DNAH7: variants seen among roughly 807,000 people sequenced by gnomAD.
DNAH7 encodes the protein dynein axonemal heavy chain 7.
DNAH7 carries 397 observed loss-of-function variants against 444.6 expected under a neutral mutation model. That is an observed-to-expected ratio of 0.89 (90% CI 0.82 to 0.97). DNAH7 has a LOEUF of 0.97. Ranked by LOEUF, DNAH7 falls within the 50% of genes least tolerant of loss-of-function variation. DNAH7 has a pLI of 0.00. For synonymous variants in DNAH7, 1,636 were observed against 1,624.4 expected (o/e 1.01, Z -0.17); for missense variants, 4,902 against 4,800.8 (o/e 1.02, Z -0.62).
intron 5 of DNAH7, among the ~76,000 whole-genome samples, chr2:196,028,582 T>C (rs1559349884): frequency 6.6e-6 from 1 of 152,224 alleles, no homozygotes; most frequent in Non-Finnish European, 1.5e-5. Context: ...TATAATACAA[T>C]AATGTTTGTA....
intron 24 of DNAH7, among the ~76,000 whole-genome samples, chr2:195,919,879 T>C (rs1164909998): frequency 6.6e-6 from 1 of 152,122 alleles, no homozygotes; most frequent in Non-Finnish European, 1.5e-5. Context: ...AGAAGAAATG[T>C]AAATGTAAGT....
intron 59 of DNAH7, 110 bp from the exon 60 acceptor site, chr2:195,776,093 T>C: frequency 7.5e-7 from 1 of 1,325,022 alleles, no homozygotes; most frequent in African/African-American, 1.5e-5. Flanking sequence ...TGGATAGGCC[T>C]GTGACACTGG....
chr2:195,796,715 C>G lies in DNAH7; in HGVS notation c.10376G>C (p.Ser3459Thr). Residue 3459 changes from serine (S) to threonine (T), a missense_variant, in exon 56 of 65, where the codon AGC becomes ACC. Physicochemically the swap from Ser to Thr is moderately conservative, Grantham distance 58. Coordinates refer to ENST00000312428, the MANE Select transcript of DNAH7 (RefSeq NM_018897.3). ...TTGGCCTTGACCAAGAGATAAAGAGCTAAGTTTTGATCCCCCATATCCCTG... is the reference window on the plus strand; with the variant it reads ...TTGGCCTTGACCAAGAGATAAAGAGGTAAGTTTTGATCCCCCATATCCCTG... ...DDQGYGGSKL[S>T]SLSLGQGQGP... 1 of 1,614,086 alleles carries G rather than the reference C, an allele frequency of 6.2e-7. No homozygotes were observed. The highest frequency in any genetic ancestry group is 8.5e-7 in the Non-Finnish European group (1 of 1,179,958).
At position 195,864,561 on chromosome 2, in the gene DNAH7, A is replaced by G; in HGVS notation, c.7094T>C (p.Val2365Ala). 3 of 1,614,156 alleles carry G rather than the reference A, an allele frequency of 1.9e-6. No homozygotes were observed. Among genetic ancestry groups the G allele is most frequent in the Non-Finnish European group, 2.5e-6 (3 of 1,180,022 alleles). The stretch of plus-strand genomic sequence containing the variant: ...AGTATCATACCCCTTAGAGATTTCA[A>G]CTTGGAAAACTGAATAATCAGCCAT... ...AHMADYSVFQ[V>A]EISKGYDTTE... Residue 2365 changes from valine (V) to alanine (A), a missense_variant, in exon 41 of 65, where the codon GTT becomes GCT. Val to Ala is a moderately conservative substitution (Grantham distance 64, BLOSUM62 0). Coordinates refer to ENST00000312428, the MANE Select transcript of DNAH7 (RefSeq NM_018897.3).
chr2:195,816,192 A>C (rs1697211042), intron 51 of DNAH7, among the ~76,000 whole-genome samples: 2 of 152,212 alleles, frequency 1.3e-5, no homozygotes, highest in African/African-American at 4.8e-5. Context: ...ATTACCACAA[A>C]TAATCGCAAC....
At chr2:195,872,547 G>A (rs116444515) in intron 39 of DNAH7, 78 bp from the exon 40 acceptor site, 12,763 of 888,714 alleles carry the variant, frequency 0.014, 133 homozygotes, top group Non-Finnish European at 0.018. Context: ...TATTTAGCAG[G>A]ACCAACATAA....
chr2:195,967,579 T>C (rs1250881417), intron 17 of DNAH7, among the ~76,000 whole-genome samples: 2 of 151,730 alleles, frequency 1.3e-5, no homozygotes, highest in Admixed American at 6.6e-5. Flanking sequence ...TGGGAAAGTC[T>C]GTCTTGCTAT....
chr2:195,947,076 G>T (rs918481131), intron 19 of DNAH7, among the ~76,000 whole-genome samples: 3 of 148,064 alleles, frequency 2.0e-5, no homozygotes, highest in Non-Finnish European at 4.5e-5. Flanking sequence ...TCTCAATAAA[G>T]CCAATTATAT....
chr2:195,880,331 T>C (rs574056531), intron 36 of DNAH7, among the ~76,000 whole-genome samples: 1 of 105,694 alleles, frequency 9.5e-6, no homozygotes, highest in Non-Finnish European at 2.0e-5. Context: ...TTTCTTTTTC[T>C]TTTTTTTTTT....
At chr2:195,946,142 A>G (rs1414547641) in intron 19 of DNAH7, among the ~76,000 whole-genome samples, 1 of 152,194 alleles carries the variant, frequency 6.6e-6, no homozygotes, top group African/African-American at 2.4e-5. Context: ...AGGGGCAAGA[A>G]CTATATGCTC....
rs972410127 is a variant in DNAH7 at position 195,808,759 on chromosome 2, C to T, written c.10006G>A (p.Asp3336Asn). Reference protein sequence around the residue: ...KSWDEICRLDDLPAFKTIRRE... With the variant: ...KSWDEICRLDNLPAFKTIRRE... ...CGAATGGTTTTGAAGGCAGGCAAAT[C>T]ATCTAATCGACATATTTCATCCCAG... Residue 3336 changes from aspartate to asparagine, a missense_variant, in exon 53 of 65, where the codon GAT becomes AAT. Coordinates refer to ENST00000312428, the MANE Select transcript of DNAH7 (RefSeq NM_018897.3). 14 of 1,614,016 alleles carry T rather than the reference C, an allele frequency of 8.7e-6. No homozygotes were observed. Among genetic ancestry groups the T allele is most frequent in the Admixed American group, 1.7e-5 (1 of 60,016 alleles).
rs773702772 is a variant in DNAH7 at position 195,872,226 on chromosome 2, C to T, written c.6633+24G>A. 12 of 1,557,866 alleles carry T rather than the reference C, an allele frequency of 7.7e-6. No individual in the cohort carries two copies. In the African/African-American group the frequency reaches 1.5e-4, roughly 19 times the overall value. ...CAAATCTTTGTTTCTCACATAATCC[C>T]ATTTCAATAACAGGAAAATTTACCT... is the stretch of plus-strand genomic sequence containing the variant. On this transcript the variant is annotated intron_variant, in intron 40 of 64. Transcript: ENST00000312428.
rs991926838 is a variant in DNAH7, at chr2:195,900,426, G to A, written c.4404C>T (p.Ser1468=). 6.2e-6 allele frequency: 10 copies of A among 1,613,864 alleles called. No individual in the cohort carries two copies. Among genetic ancestry groups the A allele is most frequent in the Non-Finnish European group, 7.6e-6 (9 of 1,179,916 alleles). ...GTGGTCGAGCAGTGACAAACCCACA[G>A]GAGTATAGGACTATTTCAGCAATCA... is the stretch of plus-strand genomic sequence containing the variant. ...YAMIAEIVLY[S]CGFVTARPLS... is the part of the protein sequence containing the mutation. Residue 1468 remains serine, a synonymous_variant, in exon 28 of 65, where the codon TCC becomes TCT. Transcript: ENST00000312428.
chr2:195,992,159 T>C (rs980762705), intron 12 of DNAH7, among the ~76,000 whole-genome samples: 10 of 152,082 alleles, frequency 6.6e-5, no homozygotes, highest in South Asian at 2.1e-4. Flanking sequence ...GAGATAGATA[T>C]GGGAAACAGG....
chr2:195,854,893 T>C (rs1275391442), intron 45 of DNAH7, among the ~76,000 whole-genome samples: 1 of 152,194 alleles, frequency 6.6e-6, no homozygotes, highest in Non-Finnish European at 1.5e-5. Flanking sequence ...TGCCATAATA[T>C]GTTACACTTC....
In DNAH7 at chr2:195,858,590, C is replaced by T. The variant is rs1574585925; in HGVS notation, c.7951G>A (p.Ala2651Thr). The part of the protein sequence containing the change: ...EKIVKADETI[A>T]NEQAMASKAI... ...TTGGAAGCCATAGCTTGTTCATTCG[C>T]TATTGTTTCATCAGCTTTCACTATT... Residue 2651 changes from alanine (A) to threonine (T), a missense_variant, in exon 43 of 65, where the codon GCG becomes ACG. Transcript: ENST00000312428. 5 of 1,613,998 alleles carry T rather than the reference C, an allele frequency of 3.1e-6. No individual in the cohort carries two copies. The highest frequency in any genetic ancestry group is 4.2e-6 in the Non-Finnish European group (5 of 1,179,960).
At chr2:195,949,794 G>C (rs1358423347) in intron 19 of DNAH7, among the ~76,000 whole-genome samples, 1 of 152,126 alleles carries the variant, frequency 6.6e-6, no homozygotes, top group Non-Finnish European at 1.5e-5. Context: ...CTAGTTTATT[G>C]AGAGTTTTTA....
In DNAH7 at chr2:195,808,657, A is replaced by G. The variant is rs1309110230; in HGVS notation, c.10083+25T>C. On this transcript the variant is annotated intron_variant, in intron 53 of 64. Transcript: ENST00000312428. ...TCTTTTCTCCATTTAAAAACATTGG[A>G]ATAAGTGAGAGGGTTAAAACATACC... 1.9e-6 allele frequency: 3 copies of G among 1,606,422 alleles called. No individual in the cohort carries two copies. In the Admixed American group the frequency reaches 5.2e-5, roughly 28 times the overall value.
At chr2:195,765,050 TAGAAC>T (rs1426218723) in intron 61 of DNAH7, among the ~76,000 whole-genome samples, 3 of 151,970 alleles carry the variant, frequency 2.0e-5, no homozygotes, top group African/African-American at 7.2e-5. Context: ...CACAGCCCAA[TAGAAC>T]AGGAGAGAGA....
Sources: allele counts gnomAD v4.1 joint callset (sites outside exome capture counted in the v4.1 genomes callset), GRCh38; gene constraint gnomAD v4.1.1; transcripts MANE v1.5; gene names NCBI Gene and HGNC (gene_info 2026-07-23, HGNC 2026-07-21).